Variants in CNTN4 observed in about 807,000 individuals in gnomAD.
CNTN4 encodes contactin-4.
In CNTN4, 77 loss-of-function variants were observed where a neutral mutation model predicts 122.5. The ratio of observed to expected loss-of-function variants is 0.63; its 90% CI spans 0.52 to 0.76. The LOEUF is 0.76. CNTN4 is among the 30% of genes least tolerant of loss of function. The pLI is 0.00. For synonymous variants in CNTN4, 512 were observed against 447.0 expected (o/e 1.15, Z -1.83); for missense variants, 1,256 against 1,259.1 (o/e 1.00, Z 0.04).
At chr3:2,497,136 C>T (rs1271021637) in intron 3 of CNTN4, among the ~76,000 whole-genome samples, 2 of 152,186 alleles carry the variant, frequency 1.3e-5, no homozygotes, top group African/African-American at 2.4e-5. Context: ...AATTCCTTAA[C>T]CCACTTCAGT....
In CNTN4 at chr3:3,040,190, T is replaced by G; in HGVS notation, c.2317T>G (p.Phe773Val). 4.3e-6 allele frequency: 7 copies of G among 1,614,182 alleles called. No homozygotes were observed. Among genetic ancestry groups the G allele is most frequent in the Non-Finnish European group, 5.9e-6 (7 of 1,180,008 alleles). ...TGAGAGCGTGCACCCCTTCTCTCCCTTTGAGGTTAAAGTAGGTGTCTTCAA... is the reference window on the plus strand; with the variant it reads ...TGAGAGCGTGCACCCCTTCTCTCCCGTTGAGGTTAAAGTAGGTGTCTTCAA... ...RNESVHPFSP[F>V]EVKVGVFNNK... is the part of the protein sequence containing the mutation. The change falls in exon 20 of 25, where the codon TTT (phenylalanine) becomes GTT (valine). Residue 773 changes from phenylalanine (F) to valine (V), a missense_variant. Phe to Val is a conservative substitution (Grantham distance 50). Transcript: ENST00000418658.
intron 6 of CNTN4, among the ~76,000 whole-genome samples, chr3:2,749,346 T>C (rs2089974870): frequency 7.4e-6 from 1 of 135,170 alleles, no homozygotes; most frequent in Admixed American, 7.6e-5. Flanking sequence ...TTTTTTTTTG[T>C]ATTTTTAGTA....
At chr3:2,952,242 C>T (rs2094753306) in intron 13 of CNTN4, among the ~76,000 whole-genome samples, 1 of 152,292 alleles carries the variant, frequency 6.6e-6, no homozygotes, top group Middle Eastern at 3.4e-3. Context: ...TGTCTGGACT[C>T]ACAGCTCCCT....
chr3:2,464,883 T>G (rs1186430977), intron 3 of CNTN4, among the ~76,000 whole-genome samples: 1 of 152,232 alleles, frequency 6.6e-6, no homozygotes, highest in East Asian at 1.9e-4. Context: ...GAAATGACTT[T>G]CCTGTGGAGG....
At chr3:3,054,574 T>C (rs1201854964) in intron 24 of CNTN4, among the ~76,000 whole-genome samples, 1 of 152,230 alleles carries the variant, frequency 6.6e-6, no homozygotes, top group Non-Finnish European at 1.5e-5. Flanking sequence ...ACCATGTTTG[T>C]AAGTATCTTA....
In CNTN4 at chr3:2,971,649, A is replaced by C. The variant is rs185654671; in HGVS notation, c.1359-16696A>C. Among the ~76,000 whole-genome samples the C allele has an allele frequency of 4.6e-3, 694 of 152,312 alleles. 7 individuals carry two copies. Among genetic ancestry groups the C allele is most frequent in the African/African-American group, 0.016 (660 of 41,566 alleles). ...TCAGAGTTGAAAATTGTTAAGGAAC[A>C]ACCTGTATTTTAAAAGTAAATTTTA... On this transcript the variant is annotated intron_variant, in intron 13 of 24. Transcript: ENST00000418658.
intron 2 of CNTN4, among the ~76,000 whole-genome samples, chr3:2,161,311 A>C (rs555136254): frequency 6.6e-6 from 1 of 152,088 alleles, no homozygotes; most frequent in Non-Finnish European, 1.5e-5. Flanking sequence ...AATAAATGGA[A>C]TGTTATTGAA....
chr3:2,242,795 GT>G (rs2039994994), intron 2 of CNTN4, among the ~76,000 whole-genome samples: 1 of 152,074 alleles, frequency 6.6e-6, no homozygotes, highest in South Asian at 2.1e-4. Flanking sequence ...AGTTAAAGAA[GT>G]TTTATTCAGA....
At chr3:2,829,456 A>C (rs2093055644) in intron 7 of CNTN4, among the ~76,000 whole-genome samples, 1 of 152,190 alleles carries the variant, frequency 6.6e-6, no homozygotes, top group African/African-American at 2.4e-5. Flanking sequence ...TTTAGCTCAA[A>C]GAAAGAATCA....
At chr3:2,573,457 C>G (rs111760034) in intron 4 of CNTN4, among the ~76,000 whole-genome samples, 2,300 of 152,274 alleles carry the variant, frequency 0.015, 17 homozygotes, top group Non-Finnish European at 0.024. Context: ...GACCTTGACC[C>G]TCCTAAGGGA....
chr3:2,351,315 CTT>C (rs1260399284), intron 3 of CNTN4, among the ~76,000 whole-genome samples: 2 of 152,152 alleles, frequency 1.3e-5, no homozygotes, highest in African/African-American at 4.8e-5. Context: ...GTGCAGGAAA[CTT>C]AGGCGCAGAA....
chr3:2,270,603 A>G (rs2041254901), intron 2 of CNTN4, among the ~76,000 whole-genome samples: 1 of 152,096 alleles, frequency 6.6e-6, no homozygotes, highest in South Asian at 2.1e-4. Flanking sequence ...ATCTGTTAAT[A>G]TGCTCTGTGG....
At chr3:2,607,542 C>T (rs890223134) in intron 4 of CNTN4, among the ~76,000 whole-genome samples, 6 of 148,044 alleles carry the variant, frequency 4.1e-5, no homozygotes, top group Non-Finnish European at 7.5e-5. Flanking sequence ...GATATAAAAA[C>T]GTAATGTAAT....
At chr3:2,235,016 T>G (rs914013388) in intron 2 of CNTN4, among the ~76,000 whole-genome samples, 1 of 152,198 alleles carries the variant, frequency 6.6e-6, no homozygotes, top group African/African-American at 2.4e-5. Context: ...AAAATTGAGT[T>G]CTTATTTATC....
intron 2 of CNTN4, among the ~76,000 whole-genome samples, chr3:2,127,615 A>G (rs562162356): frequency 6.6e-6 from 1 of 151,864 alleles, no homozygotes; most frequent in Non-Finnish European, 1.5e-5. Flanking sequence ...CACTTTTTAC[A>G]CTCCTGCCAA....
intron 4 of CNTN4, among the ~76,000 whole-genome samples, chr3:2,612,162 C>T (rs2081526136): frequency 6.6e-6 from 1 of 151,536 alleles, no homozygotes; most frequent in South Asian, 2.1e-4. Flanking sequence ...TACTTTTTGA[C>T]TTACAATAGG....
rs1446697395 is a variant in CNTN4, at chr3:2,694,859, A to C, written c.56-41356A>C. On this transcript the variant is annotated intron_variant, in intron 4 of 24. Coordinates refer to ENST00000418658, the MANE Select transcript of CNTN4 (RefSeq NM_175607.3). ...TTAAAGAACATGTAGTTTGAGGAGTAGACCTCACAACGTTTGTTTTTGTAT... is the reference window on the plus strand; with the variant it reads ...TTAAAGAACATGTAGTTTGAGGAGTCGACCTCACAACGTTTGTTTTTGTAT... Among the ~76,000 whole-genome samples, 7 of 152,340 alleles carry C rather than the reference A, an allele frequency of 4.6e-5. No individual in the cohort carries two copies. In the East Asian group the frequency reaches 1.3e-3, roughly 29 times the overall value.
intron 14 of CNTN4, among the ~76,000 whole-genome samples, chr3:3,009,458 G>T (rs554138112): frequency 6.6e-6 from 1 of 151,174 alleles, no homozygotes; most frequent in African/African-American, 2.4e-5. Context: ...TTTTGAGATG[G>T]AGTCTTGCTC....
intron 4 of CNTN4, among the ~76,000 whole-genome samples, chr3:2,679,988 T>G (rs2085079585): frequency 6.6e-6 from 1 of 152,222 alleles, no homozygotes; most frequent in Admixed American, 6.5e-5. Context: ...AATGAATTAT[T>G]AAATATTTTT....
Sources: allele counts gnomAD v4.1 joint callset (sites outside exome capture counted in the v4.1 genomes callset), GRCh38; gene constraint gnomAD v4.1.1; transcripts MANE v1.5; gene names NCBI Gene and HGNC (gene_info 2026-07-23, HGNC 2026-07-21).